Variants in MADD observed in about 807,000 individuals in gnomAD.
The protein encoded by MADD is MAP kinase-activating death domain protein.
MADD carries 109 observed loss-of-function variants against 176.7 expected under a neutral mutation model. The observed-to-expected ratio is 0.62, with a 90% CI of 0.53 to 0.72. MADD has a LOEUF of 0.72. MADD is among the 30% of genes least tolerant of loss of function. The probability of loss-of-function intolerance (pLI) is 0.00; values close to 1 mark genes in which losing one functional copy is unlikely to be tolerated. For synonymous variants in MADD, 771 were observed against 771.3 expected (o/e 1.00, Z 0.01); for missense variants, 1,914 against 2,045.5 (o/e 0.94, Z 1.24).
At chr11:47,295,795 T>C in intron 21 of MADD, 102 bp from the exon 24 acceptor site, 1 of 1,526,536 alleles carries the variant, frequency 6.6e-7, no homozygotes, top group Non-Finnish European at 8.8e-7. Flanking sequence ...GACACACTTT[T>C]GAAATTTAAT....
chr11:47,272,245 A>C (rs1288124314), intron 1 of MADD: 1 of 152,194 alleles, frequency 6.6e-6, no homozygotes, highest in Non-Finnish European at 1.5e-5. Context: ...CAGAGTCGCT[A>C]TAGAGATAAA....
At chr11:47,274,664 T>C in exon 3 of MADD, 1 of 1,614,232 alleles carries the variant, frequency 6.2e-7, no homozygotes. Flanking sequence ...GTAGTGTTCT[T>C]CTGCCAGCCC....
chr11:47,289,003 G>C, intron 15 of MADD: 2 of 1,596,654 alleles, frequency 1.3e-6, no homozygotes, highest in Non-Finnish European at 1.7e-6. Flanking sequence ...GATTGTTACT[G>C]AAGCCGGCCC....
At chr11:47,296,710 G>T (rs1027978194) in intron 22 of MADD, among the ~76,000 whole-genome samples, 1 of 151,508 alleles carries the variant, frequency 6.6e-6, no homozygotes, top group Admixed American at 6.6e-5. Context: ...CCCATGATCA[G>T]CTGGAAGGAG....
intron 20 of MADD, among the ~76,000 whole-genome samples, chr11:47,294,595 G>A (rs774575771): frequency 2.7e-5 from 4 of 150,382 alleles, no homozygotes; most frequent in South Asian, 2.1e-4. Context: ...ACTGGAACCC[G>A]GGAGGCAGAG....
At chr11:47,277,225 T>C (rs2050900608) in intron 5 of MADD, among the ~76,000 whole-genome samples, 1 of 152,218 alleles carries the variant, frequency 6.6e-6, no homozygotes, top group African/African-American at 2.4e-5. Context: ...TCTATACATA[T>C]ATACCGGTGA....
chr11:47,300,280 C>T (rs1248585892), intron 22 of MADD, among the ~76,000 whole-genome samples: 2 of 149,044 alleles, frequency 1.3e-5, no homozygotes, highest in Non-Finnish European at 3.0e-5. Flanking sequence ...GATCTCGGCT[C>T]ACTGCTACCC....
chr11:47,309,973 C>T (rs1053063376), intron 25 of MADD, among the ~76,000 whole-genome samples: 13 of 151,780 alleles, frequency 8.6e-5, no homozygotes, highest in African/African-American at 2.9e-4. Flanking sequence ...TCCCAAGTAG[C>T]TGCGATTACA....
intron 19 of MADD, 88 bp downstream of exon 21, chr11:47,292,684 C>T: frequency 7.5e-7 from 1 of 1,332,180 alleles, no homozygotes; most frequent in East Asian, 2.3e-5. Context: ...CTTTGTCAGC[C>T]CCACCCCAAA....
At chr11:47,317,495 A>G (rs909030006) in intron 27 of MADD, among the ~76,000 whole-genome samples, 3 of 152,062 alleles carry the variant, frequency 2.0e-5, no homozygotes, top group Non-Finnish European at 2.9e-5. Context: ...TTTTTTGCTG[A>G]TTGTGTCTCC....
At chr11:47,317,078 C>T (rs1404515779) in intron 27 of MADD, among the ~76,000 whole-genome samples, 1 of 152,332 alleles carries the variant, frequency 6.6e-6, no homozygotes, top group East Asian at 1.9e-4. Context: ...GATAGCACAT[C>T]TTATCCATTG....
intron 27 of MADD, among the ~76,000 whole-genome samples, chr11:47,315,863 G>A (rs1213657649): frequency 5.0e-5 from 7 of 139,864 alleles, no homozygotes; most frequent in Non-Finnish European, 7.6e-5. Flanking sequence ...ACAGAGTATC[G>A]CTCTGTCACC....
At chr11:47,303,607 C>CTTT (rs137937344) in intron 22 of MADD, among the ~76,000 whole-genome samples, 5 of 105,544 alleles carry the variant, frequency 4.7e-5, no homozygotes, top group South Asian at 3.0e-4. Flanking sequence ...TTGGAGAGGC[C>CTTT]TTTTTTTTTT....
intron 22 of MADD, among the ~76,000 whole-genome samples, chr11:47,297,892 C>T (rs1203540089): frequency 6.7e-6 from 1 of 149,324 alleles, no homozygotes; most frequent in East Asian, 2.0e-4. Flanking sequence ...AGGTTCACAC[C>T]ATTCTCCTTC....
chr11:47,273,277 C>T (rs2046480167), intron 1 of MADD, among the ~76,000 whole-genome samples: 2 of 152,144 alleles, frequency 1.3e-5, no homozygotes, highest in African/African-American at 4.8e-5. Flanking sequence ...AACAGAGCCC[C>T]AGGCGTTAAG....
chr11:47,294,358 A>T (rs2596401), intron 20 of MADD, among the ~76,000 whole-genome samples: 80,262 of 117,060 alleles, frequency 0.69, 24,462 homozygotes, highest in Middle Eastern at 0.79. Context: ...CAAAAAAAAA[A>T]AAAAATAAAA....
intron 31 of MADD, chr11:47,327,982 C>T (rs1490134990): frequency 4.4e-5 from 43 of 985,168 alleles, no homozygotes; most frequent in Non-Finnish European, 4.9e-5. Flanking sequence ...CCTGATGCTC[C>T]CTGTCACCTC....
Position 47,286,416 on chromosome 11 carries a change from C to T in MADD, c.2552-17C>T, listed in dbSNP as rs1460602603. On this transcript the variant is annotated splice_polypyrimidine_tract_variant and intron_variant, in intron 14 of 32. Coordinates refer to ENST00000402192, the Ensembl canonical transcript of MADD. The stretch of plus-strand genomic sequence containing the variant: ...TTACTCTGCCAAGTCATCGCTCTTG[C>T]ACCCTCCCCTTGATAGGCAGCCTCT... The T allele has an allele frequency of 6.3e-6, 10 of 1,576,860 alleles. No homozygotes were observed. The highest frequency in any genetic ancestry group is 8.7e-6 in the Non-Finnish European group (10 of 1,146,150).
Position 47,285,194 on chromosome 11 carries a change from G to A in MADD, c.2411G>A (p.Arg804Gln), listed in dbSNP as rs376589140. 57 of 1,613,142 alleles carry A rather than the reference G, an allele frequency of 3.5e-5. No individual in the cohort carries two copies. Among genetic ancestry groups the A allele is most frequent in the Non-Finnish European group, 4.4e-5 (52 of 1,179,820 alleles). The change falls in exon 13 of 33, where the codon CGG becomes CAG. Residue 804 changes from arginine to glutamine, a missense_variant and splice_region_variant. Transcript: ENST00000402192. ...TTCAGCCAACATGTCAGTGGCAATC[G>A]GTGAGAGCCTGGGCATCCCTTCTAG...
Sources: allele counts gnomAD v4.1 joint callset (sites outside exome capture counted in the v4.1 genomes callset), GRCh38; gene constraint gnomAD v4.1.1; transcripts MANE v1.5; gene names NCBI Gene and HGNC (gene_info 2026-07-23, HGNC 2026-07-21).